KAZN: variants seen among roughly 807,000 people sequenced by gnomAD.
KAZN encodes the protein kazrin, periplakin interacting protein.
KAZN carries 40 observed loss-of-function variants against 87.4 expected under a neutral mutation model. The ratio of observed to expected loss-of-function variants is 0.46; its 90% CI spans 0.36 to 0.60. The LOEUF (loss-of-function observed/expected upper bound fraction) is 0.60, where lower values mean the gene tolerates loss of function less well. Ranked by LOEUF, KAZN falls within the 20% of genes least tolerant of loss-of-function variation. The probability of loss-of-function intolerance (pLI) is 0.00; values close to 1 mark genes in which losing one functional copy is unlikely to be tolerated. For missense variants in KAZN, 898 were observed against 1,073.9 expected, an observed-to-expected ratio of 0.84 and a Z score of 2.29; for synonymous variants, 466 against 458.3, an observed-to-expected ratio of 1.02 and a Z score of -0.22.
chr1:14,735,476 C>T lies in KAZN; in HGVS notation c.226+136253C>T, dbSNP rs1233772961. Among the ~76,000 whole-genome samples the T allele has an allele frequency of 5.9e-5, 9 of 152,182 alleles. No individual in the cohort carries two copies. Among genetic ancestry groups the T allele is most frequent in the Non-Finnish European group, 1.0e-4 (7 of 68,022 alleles). On this transcript the variant is annotated intron_variant, in intron 1 of 14. Coordinates refer to ENST00000376030, the MANE Select transcript of KAZN (RefSeq NM_201628.3). This position sits in a 1 kb window ranked among gnomAD's most constrained non-coding sequence, Gnocchi z 4.3. ...TTTCCAGCCACCTTGGGTGTTTAGG[C>T]TGGACCCCGAAACCACCCCCATACA...
At chr1:15,009,606 C>T (rs997532663) in intron 2 of KAZN, among the ~76,000 whole-genome samples, 1 of 152,144 alleles carries the variant, frequency 6.6e-6, no homozygotes, top group Non-Finnish European at 1.5e-5. Flanking sequence ...GCTGTCAGCT[C>T]CATAGCAAAG....
intron 1 of KAZN, among the ~76,000 whole-genome samples, chr1:14,100,316 G>A (rs540530451): frequency 6.6e-5 from 10 of 152,236 alleles, no homozygotes; most frequent in Admixed American, 6.5e-5. Flanking sequence ...TCCGCAGCTC[G>A]ACCTCAGATA....
chr1:14,502,740 A>G (rs1670328446), intron 2 of KAZN, among the ~76,000 whole-genome samples: 1 of 152,218 alleles, frequency 6.6e-6, no homozygotes, highest in Non-Finnish European at 1.5e-5. Flanking sequence ...AAGGTGGGTC[A>G]GAGCAACAGA....
At chr1:14,933,459 G>T (rs929428221) in intron 1 of KAZN, among the ~76,000 whole-genome samples, 1 of 152,060 alleles carries the variant, frequency 6.6e-6, no homozygotes, top group African/African-American at 2.4e-5. Context: ...ACCACATCTG[G>T]AAGTACCTTG....
intron 1 of KAZN, among the ~76,000 whole-genome samples, chr1:14,830,054 G>A (rs1050875287): frequency 7.2e-5 from 11 of 152,172 alleles, no homozygotes; most frequent in Non-Finnish European, 1.6e-4. Context: ...GGGGAAAATG[G>A]TTTAATAATA....
At chr1:14,373,696 G>C (rs1381890805) in intron 2 of KAZN, among the ~76,000 whole-genome samples, 4 of 152,160 alleles carry the variant, frequency 2.6e-5, no homozygotes, top group Non-Finnish European at 4.4e-5. Flanking sequence ...TCTAGGGAAA[G>C]GGATGCATTC....
intron 1 of KAZN, among the ~76,000 whole-genome samples, chr1:14,854,302 G>A (rs1269349579): frequency 6.6e-6 from 1 of 152,200 alleles, no homozygotes; most frequent in African/African-American, 2.4e-5. Context: ...CGTGTTTTAT[G>A]GAGGACTCTT....
chr1:14,643,048 T>C (rs1302011531), intron 1 of KAZN, among the ~76,000 whole-genome samples: 2 of 152,226 alleles, frequency 1.3e-5, no homozygotes, highest in Middle Eastern at 3.2e-3. Context: ...CAACAACCTG[T>C]ATGTTGTGAA....
intron 2 of KAZN, among the ~76,000 whole-genome samples, chr1:14,396,183 A>AG (rs1242537467): frequency 1.3e-5 from 2 of 151,622 alleles, no homozygotes; most frequent in African/African-American, 4.9e-5. Context: ...AAAAAAAAAA[A>AG]ACTGCAACAA....
At chr1:15,060,323 G>A (rs369923457) in intron 6 of KAZN, 21 bp downstream of exon 6, 2 of 1,613,934 alleles carry the variant, frequency 1.2e-6, no homozygotes, top group Admixed American at 3.3e-5. Context: ...CAGCAGCGGG[G>A]CCTGGGCCCC....
At chr1:13,915,738 T>TAGAG (rs34265385) in intron 1 of KAZN, among the ~76,000 whole-genome samples, 4,742 of 150,656 alleles carry the variant, frequency 0.031, 233 homozygotes, top group African/African-American at 0.11. Context: ...TTTTTAGCAC[T>TAGAG]AGAGAGAGAG....
At chr1:15,037,284 C>T (rs917692590) in intron 3 of KAZN, among the ~76,000 whole-genome samples, 11 of 152,224 alleles carry the variant, frequency 7.2e-5, no homozygotes, top group African/African-American at 2.2e-4. Context: ...CCTTCAGTGA[C>T]GTGCTGGCCC....
chr1:15,031,142 C>T (rs1671653804), intron 2 of KAZN, among the ~76,000 whole-genome samples: 1 of 152,226 alleles, frequency 6.6e-6, no homozygotes, highest in Non-Finnish European at 1.5e-5. Flanking sequence ...AGCCTTGGGG[C>T]TGGGGACCCT....
chr1:14,755,915 A>T (rs1644551380), intron 1 of KAZN, among the ~76,000 whole-genome samples: 1 of 152,176 alleles, frequency 6.6e-6, no homozygotes, highest in African/African-American at 2.4e-5. Context: ...AGTCTCCCAG[A>T]CGCCCCACAG....
At position 14,940,700 on chromosome 1, in the gene KAZN, G is replaced by A. The variant is rs151029920; in HGVS notation, c.227-19984G>A. Among the ~76,000 whole-genome samples the A allele has an allele frequency of 2.9e-3, 443 of 152,222 alleles. 10 individuals carry two copies. The highest frequency in any genetic ancestry group is 0.024 in the Admixed American group (373 of 15,294). ...AAGAATGTTCCCCGGGCTGAGCTGT[G>A]TGTTCCTGGCTCTCTTGATGTTTGT... On this transcript the variant is annotated intron_variant, in intron 1 of 14. Coordinates refer to ENST00000376030, the MANE Select transcript of KAZN (RefSeq NM_201628.3).
intron 2 of KAZN, among the ~76,000 whole-genome samples, chr1:14,524,492 T>C (rs1403498720): frequency 1.3e-5 from 2 of 152,222 alleles, no homozygotes; most frequent in African/African-American, 4.8e-5. Context: ...ATTAGACCAA[T>C]TTATCACCAG....
chr1:13,896,555 A>T (rs1178884611), intron 1 of KAZN, among the ~76,000 whole-genome samples: 1 of 152,108 alleles, frequency 6.6e-6, no homozygotes, highest in Non-Finnish European at 1.5e-5. Flanking sequence ...GCCTCCCCAG[A>T]TACTGGGATT....
chr1:14,850,232 C>A (rs150568128), intron 1 of KAZN, among the ~76,000 whole-genome samples: 100 of 152,220 alleles, frequency 6.6e-4, no homozygotes, highest in African/African-American at 2.3e-3. Context: ...CTGCGTCCAG[C>A]CTATTTATGC....
At chr1:14,321,027 T>A (rs1028278685) in intron 2 of KAZN, among the ~76,000 whole-genome samples, 1 of 152,198 alleles carries the variant, frequency 6.6e-6, no homozygotes, top group Non-Finnish European at 1.5e-5. Flanking sequence ...GAGTTCATTT[T>A]AAAAATCATA....
Sources: gnomAD v4.1 joint callset for allele counts (sites outside exome capture counted in the v4.1 genomes callset) on GRCh38, gnomAD v4.1.1 for gene constraint, Gnocchi (gnomAD v3.1) non-coding constraint, MANE v1.5 for transcripts, NCBI Gene and HGNC (gene_info 2026-07-23, HGNC 2026-07-21) for gene names.